Variants in UBE3D observed in about 807,000 individuals in gnomAD.
UBE3D encodes the protein ubiquitin protein ligase E3D.
In UBE3D, 48 loss-of-function variants were observed where a neutral mutation model predicts 49.6. The ratio of observed to expected loss-of-function variants is 0.97; its 90% CI spans 0.77 to 1.23. The LOEUF is 1.23. Ranked by LOEUF, UBE3D falls within the 50% of genes most tolerant of loss-of-function variation. UBE3D has a pLI of 0.00. For synonymous variants in UBE3D, 189 were observed against 174.2 expected (o/e 1.08, Z -0.67); for missense variants, 452 against 468.4 (o/e 0.96, Z 0.32).
intron 9 of UBE3D, among the ~76,000 whole-genome samples, chr6:82,940,302 T>C (rs984808515): frequency 6.6e-6 from 1 of 152,216 alleles, no homozygotes; most frequent in Non-Finnish European, 1.5e-5. Flanking sequence ...CAAAAAGGAA[T>C]GAAGATGACA....
At chr6:83,040,069 G>T (rs1442624799) in intron 4 of UBE3D, among the ~76,000 whole-genome samples, 1 of 152,102 alleles carries the variant, frequency 6.6e-6, no homozygotes, top group East Asian at 1.9e-4. Flanking sequence ...GTGTATGTGT[G>T]TTATCAGATC....
intron 9 of UBE3D, among the ~76,000 whole-genome samples, chr6:82,897,288 T>C (rs965487611): frequency 6.6e-6 from 1 of 152,160 alleles, no homozygotes; most frequent in African/African-American, 2.4e-5. Context: ...TATGCCCTTA[T>C]ATTATAAAAT....
At chr6:82,901,009 T>C (rs1771690692) in intron 9 of UBE3D, among the ~76,000 whole-genome samples, 1 of 152,174 alleles carries the variant, frequency 6.6e-6, no homozygotes, top group South Asian at 2.1e-4. Context: ...ATATGAATTA[T>C]AGACAAACTT....
chr6:82,919,186 G>T (rs1014510093), intron 9 of UBE3D, among the ~76,000 whole-genome samples: 1 of 152,106 alleles, frequency 6.6e-6, no homozygotes, highest in Non-Finnish European at 1.5e-5. Flanking sequence ...CCAGAGGCAA[G>T]GGAAGTGGCC....
At chr6:83,035,937 T>G (rs1471128952) in intron 5 of UBE3D, 1 of 152,076 alleles carries the variant, frequency 6.6e-6, no homozygotes, top group Admixed American at 6.6e-5. Flanking sequence ...TTACACTAAG[T>G]GCTGAGATTA....
chr6:82,979,457 C>T (rs1426068366), intron 8 of UBE3D, among the ~76,000 whole-genome samples: 1 of 152,154 alleles, frequency 6.6e-6, no homozygotes, highest in African/African-American at 2.4e-5. Flanking sequence ...AACAGGGAAA[C>T]TCACTGCCAG....
At chr6:82,984,505 A>G (rs554068119) in intron 8 of UBE3D, among the ~76,000 whole-genome samples, 2 of 152,334 alleles carry the variant, frequency 1.3e-5, no homozygotes, top group Admixed American at 6.5e-5. Context: ...ACCATTTTGT[A>G]TATCTACCAA....
At chr6:82,927,065 C>T (rs770244145) in intron 9 of UBE3D, among the ~76,000 whole-genome samples, 9 of 152,028 alleles carry the variant, frequency 5.9e-5, no homozygotes, top group East Asian at 1.9e-4. Context: ...TGTTTTTGTA[C>T]GTGGATGTCC....
Position 83,002,934 on chromosome 6 carries a change from T to C in UBE3D, c.1010+16039A>G, listed in dbSNP as rs114509737. 8.4e-3 allele frequency among the ~76,000 whole-genome samples: 1,282 copies of C among 152,324 alleles called. 18 individuals are homozygous for C. Among genetic ancestry groups the C allele is most frequent in the African/African-American group, 0.028 (1,178 of 41,562 alleles). ...ATAGCGGCACAACAGACTAAGACAT[T>C]AGCATTTATATAGATTTTGGTTTTT... On this transcript the variant is annotated intron_variant, in intron 8 of 9. Coordinates refer to ENST00000369747, the MANE Select transcript of UBE3D (RefSeq NM_198920.3).
chr6:82,999,558 G>T (rs9344327), intron 8 of UBE3D, among the ~76,000 whole-genome samples: 133,233 of 152,078 alleles, frequency 0.88, 58,436 homozygotes, highest in East Asian at 0.96. Flanking sequence ...CTAATTTTTG[G>T]ATTTTTAGTA....
chr6:82,973,354 A>G (rs1777484926), intron 8 of UBE3D, among the ~76,000 whole-genome samples: 1 of 152,200 alleles, frequency 6.6e-6, no homozygotes, highest in South Asian at 2.1e-4. Flanking sequence ...AGGTCTGATT[A>G]TTGAAACTGG....
intron 9 of UBE3D, among the ~76,000 whole-genome samples, chr6:82,945,477 T>C (rs1404542053): frequency 1.3e-5 from 2 of 152,176 alleles, no homozygotes; most frequent in Admixed American, 1.3e-4. Flanking sequence ...CAGATATGAC[T>C]TAGATCACAA....
At chr6:82,989,303 A>AAG (rs1228775635) in intron 8 of UBE3D, among the ~76,000 whole-genome samples, 15 of 151,984 alleles carry the variant, frequency 9.9e-5, no homozygotes, top group Non-Finnish European at 2.2e-4. Flanking sequence ...TTAGACCAGG[A>AAG]GAGAAATTAC....
At chr6:83,023,564 C>T (rs530870670) in intron 6 of UBE3D, among the ~76,000 whole-genome samples, 9 of 152,198 alleles carry the variant, frequency 5.9e-5, no homozygotes, top group African/African-American at 1.2e-4. Context: ...CAAAAAGGAA[C>T]GAAATAATGG....
chr6:82,903,752 G>A (rs1436945964), intron 9 of UBE3D, among the ~76,000 whole-genome samples: 1 of 152,116 alleles, frequency 6.6e-6, no homozygotes, highest in Non-Finnish European at 1.5e-5. Flanking sequence ...TGGACTTGCT[G>A]GAAATAAAGA....
intron 8 of UBE3D, among the ~76,000 whole-genome samples, chr6:82,958,464 GTGGTGAATAATGGAAACT>G (rs1161916276): frequency 6.6e-6 from 1 of 152,118 alleles, no homozygotes; most frequent in Non-Finnish European, 1.5e-5. Context: ...AACCAAATCA[GTGGTGAATAATGGAAACT>G]TGGAGAGAAT....
chr6:82,903,436 C>T (rs1385024746), intron 9 of UBE3D, among the ~76,000 whole-genome samples: 1 of 152,032 alleles, frequency 6.6e-6, no homozygotes, highest in Non-Finnish European at 1.5e-5. Flanking sequence ...GGAGGAGAGC[C>T]AACAGGATAG....
chr6:82,898,549 T>A (rs1462804592), intron 9 of UBE3D, among the ~76,000 whole-genome samples: 1 of 151,938 alleles, frequency 6.6e-6, no homozygotes, highest in Non-Finnish European at 1.5e-5. Context: ...AAGCTGGAAA[T>A]CATTATTCTC....
At chr6:83,010,940 T>C (rs555192445) in intron 8 of UBE3D, among the ~76,000 whole-genome samples, 1 of 152,102 alleles carries the variant, frequency 6.6e-6, no homozygotes, top group Non-Finnish European at 1.5e-5. Context: ...ATACTTTGCA[T>C]CCAGTCAAGT....
Sources: gnomAD v4.1 joint callset for allele counts (sites outside exome capture counted in the v4.1 genomes callset) on GRCh38, gnomAD v4.1.1 for gene constraint, MANE v1.5 for transcripts, NCBI Gene and HGNC (gene_info 2026-07-23, HGNC 2026-07-21) for gene names.